Variants in LDLRAD4 observed in about 807,000 individuals in gnomAD.
LDLRAD4 encodes low-density lipoprotein receptor class A domain-containing protein 4.
In LDLRAD4, 5 loss-of-function variants were observed where a neutral mutation model predicts 17.0. The observed-to-expected ratio is 0.29, with a 90% CI of 0.15 to 0.62. The LOEUF is 0.62. Among genes scored for constraint, LDLRAD4 ranks in the 20% least tolerant of loss-of-function variants. LDLRAD4 has a pLI of 0.84. For synonymous variants in LDLRAD4, 168 were observed against 171.8 expected (o/e 0.98, Z 0.17); for missense variants, 340 against 424.7 (o/e 0.80, Z 1.75).
At chr18:13,403,956 T>A (rs2087469173) in intron 2 of LDLRAD4, among the ~76,000 whole-genome samples, 1 of 152,078 alleles carries the variant, frequency 6.6e-6, no homozygotes, top group Non-Finnish European at 1.5e-5. Context: ...GCACCCAGCC[T>A]GTAAGGAGGT....
intron 1 of LDLRAD4, among the ~76,000 whole-genome samples, chr18:13,283,414 C>G (rs1328776034): frequency 6.6e-6 from 1 of 152,210 alleles, no homozygotes; most frequent in Non-Finnish European, 1.5e-5. Flanking sequence ...TTTCTTCCAC[C>G]AGATACCCTA....
intron 1 of LDLRAD4, 70 bp downstream of exon 1, chr18:13,219,058 G>A (rs942973320): frequency 3.5e-5 from 5 of 143,728 alleles, no homozygotes; most frequent in African/African-American, 5.1e-5. Context: ...GAGGGCATTT[G>A]CTTGTTTAAA....
intron 3 of LDLRAD4, chr18:13,612,110 G>T: frequency 1.0e-6 from 1 of 985,718 alleles, no homozygotes; most frequent in Non-Finnish European, 1.2e-6. Flanking sequence ...TTCCAGCAGA[G>T]ATCAAGGGAA....
rs148536604 is a variant in LDLRAD4 at position 13,644,268 on chromosome 18, C to T, written c.390+856C>T. Among the ~76,000 whole-genome samples, 367 of 152,142 alleles carry T rather than the reference C, an allele frequency of 2.4e-3. 4 individuals are homozygous for T. The highest frequency in any genetic ancestry group is 8.6e-3 in the African/African-American group (357 of 41,494). The stretch of plus-strand genomic sequence containing the variant: ...GTACCACTGTGTGAAGTTATAACTT[C>T]TGCTTACTCAGAGTTCTGGCCGGCG... On this transcript the variant is annotated intron_variant, in intron 5 of 5. Transcript: ENST00000359446.
intron 2 of LDLRAD4, among the ~76,000 whole-genome samples, chr18:13,406,443 C>G (rs899685946): frequency 6.6e-6 from 1 of 152,168 alleles, no homozygotes; most frequent in African/African-American, 2.4e-5. Context: ...TCCAGAGAAG[C>G]TGGAACACCT....
In LDLRAD4 at chr18:13,440,223, G is replaced by A. The variant is rs1267760995; in HGVS notation, c.181+1839G>A. On this transcript the variant is annotated intron_variant, in intron 3 of 5. Coordinates refer to ENST00000359446, the Ensembl canonical transcript of LDLRAD4. The surrounding 1 kb of genome is among the most constrained non-coding windows in gnomAD (Gnocchi z 4.4). ...TCTGCGGGCTCCTCCTTTACTTCAG[G>A]GCCCTTTTGCCGAGGGCTTCCTTGT... 6.6e-6 allele frequency among the ~76,000 whole-genome samples: 1 copy of A among 151,994 alleles called. No individual in the cohort carries two copies. Among genetic ancestry groups the A allele is most frequent in the Admixed American group, 6.5e-5 (1 of 15,274 alleles).
rs373568964 is a variant in LDLRAD4, at chr18:13,320,248, C to T, written c.-383+42060C>T. Among the ~76,000 whole-genome samples the T allele has an allele frequency of 3.1e-4, 47 of 152,298 alleles. No individual in the cohort carries two copies. In the East Asian group the frequency reaches 8.3e-3, roughly 27 times the overall value. The stretch of plus-strand genomic sequence containing the variant: ...TCTTTTAGCTGCATCTCTGACTTGG[C>T]GAATCCTGCTTTCAAGATTGCATTA... On this transcript the variant is annotated intron_variant, in intron 1 of 5. Coordinates refer to ENST00000359446, the Ensembl canonical transcript of LDLRAD4.
chr18:13,374,157 C>T (rs1365122601), intron 1 of LDLRAD4, among the ~76,000 whole-genome samples: 2 of 152,206 alleles, frequency 1.3e-5, no homozygotes, highest in South Asian at 2.1e-4. Context: ...TACCTTCTGA[C>T]CCACATAGGT....
intron 1 of LDLRAD4, among the ~76,000 whole-genome samples, chr18:13,293,945 A>G (rs1384021461): frequency 3.3e-5 from 5 of 152,198 alleles, no homozygotes; most frequent in Admixed American, 2.6e-4. Context: ...TTCTGGGGCC[A>G]GAGGAGCACT....
intron 3 of LDLRAD4, among the ~76,000 whole-genome samples, chr18:13,448,245 G>C (rs1463355308): frequency 6.6e-6 from 1 of 152,198 alleles, no homozygotes; most frequent in Admixed American, 6.5e-5. Flanking sequence ...GCAGCCCGCG[G>C]GGTGACCTGC....
intron 3 of LDLRAD4, among the ~76,000 whole-genome samples, chr18:13,495,056 C>G (rs1215059920): frequency 6.6e-6 from 1 of 152,066 alleles, no homozygotes; most frequent in Admixed American, 6.5e-5. Context: ...TCCAGTCTGC[C>G]AAGTTTTCAC....
At chr18:13,605,652 A>AGC (rs2095215487) in intron 3 of LDLRAD4, among the ~76,000 whole-genome samples, 28 of 152,246 alleles carry the variant, frequency 1.8e-4, no homozygotes, top group Admixed American at 1.8e-3. Context: ...GGAGGACAGC[A>AGC]GGAAGCACCT....
intron 4 of LDLRAD4, among the ~76,000 whole-genome samples, chr18:13,627,475 C>T (rs893820504): frequency 1.4e-4 from 22 of 151,998 alleles, no homozygotes; most frequent in Admixed American, 4.6e-4. Context: ...TGGGTTTGCA[C>T]GTGGGGGTTG....
At chr18:13,310,374 ATATTGG>A (rs2047166918) in intron 1 of LDLRAD4, among the ~76,000 whole-genome samples, 1 of 151,146 alleles carries the variant, frequency 6.6e-6, no homozygotes, top group African/African-American at 2.4e-5. Context: ...AAAAAGGGAG[ATATTGG>A]TGGGCCTGCA....
At chr18:13,357,184 A>C (rs1382632947) in intron 1 of LDLRAD4, among the ~76,000 whole-genome samples, 2 of 152,208 alleles carry the variant, frequency 1.3e-5, no homozygotes, top group Non-Finnish European at 2.9e-5. Flanking sequence ...AACACTTGTT[A>C]CATCTTTTAA....
chr18:13,528,276 T>C (rs972850091), intron 3 of LDLRAD4, among the ~76,000 whole-genome samples: 2 of 152,352 alleles, frequency 1.3e-5, no homozygotes, highest in Middle Eastern at 3.4e-3. Flanking sequence ...CTTACCTGCG[T>C]TACCCTGTTA....
chr18:13,407,699 G>A (rs2087896331), intron 2 of LDLRAD4, among the ~76,000 whole-genome samples: 1 of 152,242 alleles, frequency 6.6e-6, no homozygotes, highest in Admixed American at 6.5e-5. Context: ...GACCTGGCCA[G>A]CTTCTGAGAA....
intron 1 of LDLRAD4, among the ~76,000 whole-genome samples, chr18:13,342,223 C>T (rs751177339): frequency 4.0e-5 from 6 of 151,884 alleles, no homozygotes; most frequent in East Asian, 1.9e-4. Context: ...GGTATAGTTT[C>T]GGTATCAGGG....
At chr18:13,404,984 GGTC>G (rs1183673748) in intron 2 of LDLRAD4, among the ~76,000 whole-genome samples, 1 of 151,800 alleles carries the variant, frequency 6.6e-6, no homozygotes, top group African/African-American at 2.4e-5. Flanking sequence ...CCAATGAAGA[GGTC>G]GTAAAAGTAG....
Sources: allele counts gnomAD v4.1 joint callset (sites outside exome capture counted in the v4.1 genomes callset), GRCh38; gene constraint gnomAD v4.1.1; non-coding constraint Gnocchi (gnomAD v3.1); transcripts MANE v1.5; gene names NCBI Gene and HGNC (gene_info 2026-07-23, HGNC 2026-07-21).